The following LIMCH1 variants were observed in gnomAD, a reference collection of about 807,000 sequenced individuals.
The protein encoded by LIMCH1 is LIM and calponin homology domains 1, also known as LIM and calponin homology domains-containing protein 1.
LIMCH1 carries 113 observed loss-of-function variants against 176.5 expected under a neutral mutation model. The observed-to-expected ratio is 0.64, with a 90% confidence interval of 0.55 to 0.75. LIMCH1 has a LOEUF of 0.75. LIMCH1 is among the 30% of genes least tolerant of loss of function. The pLI is 0.00. For synonymous variants in LIMCH1, 619 were observed against 645.9 expected, an observed-to-expected ratio of 0.96 and a Z score of 0.63; for missense variants, 1,674 against 1,814.9, an observed-to-expected ratio of 0.92 and a Z score of 1.41.
chr4:41,569,550 C>T (rs1247958826), intron 1 of LIMCH1, among the ~76,000 whole-genome samples: 1 of 152,090 alleles, frequency 6.6e-6, no homozygotes, highest in Non-Finnish European at 1.5e-5. Context: ...GGTCGGCCCT[C>T]AACAGTCAAT....
At chr4:41,582,044 C>T (rs146285294) in intron 1 of LIMCH1, among the ~76,000 whole-genome samples, 69 of 152,236 alleles carry the variant, frequency 4.5e-4, no homozygotes, top group African/African-American at 1.6e-3. Flanking sequence ...CATATTTTGG[C>T]TATTGCTAAT....
At chr4:41,636,925 T>A (rs1328070007) in intron 13 of LIMCH1, among the ~76,000 whole-genome samples, 1 of 152,246 alleles carries the variant, frequency 6.6e-6, no homozygotes, top group Non-Finnish European at 1.5e-5. Flanking sequence ...GAAGTATATG[T>A]GTGGTATGTG....
At chr4:41,671,438 A>T (rs1413167861) in intron 21 of LIMCH1, 116 bp from the exon 22 acceptor site, 1 of 692,852 alleles carries the variant, frequency 1.4e-6, no homozygotes, top group East Asian at 2.9e-5. Flanking sequence ...ACACACACAC[A>T]CAAAATTGGT....
At position 41,538,329 on chromosome 4, in the gene LIMCH1, C is replaced by CG. The variant is rs1288839523; in HGVS notation, c.-260dup. 1.0e-6 allele frequency: 1 copy of CG among 985,096 alleles called. No individual in the cohort carries two copies. Among genetic ancestry groups the CG allele is most frequent in the Non-Finnish European group, 1.2e-6 (1 of 829,902 alleles). The allele number at this position is 985,096 out of a possible 1,614,324, so 61.0% of individuals were successfully genotyped here. A position where few individuals can be genotyped will look rare whatever the true frequency, so the allele number is the denominator to read the frequency against. ...AGAGTGGGTTGGCTGGAGTTCATTG[C>CG]GGAGCATGAGGACGTGTGGGGGTAA... On this transcript the variant is annotated 5_prime_UTR_variant, in exon 1 of 32. It introduces an in-frame stop codon into an upstream open reading frame of the 5' UTR. Coordinates refer to ENST00000503057, the MANE Select transcript of LIMCH1 (RefSeq NM_001330672.2).
upstream of LIMCH1, among the ~76,000 whole-genome samples, chr4:41,536,197 G>A (rs1177654023): frequency 1.3e-5 from 2 of 152,140 alleles, no homozygotes; most frequent in East Asian, 1.9e-4. Flanking sequence ...TAGGGATTTG[G>A]TTGTTTGACA....
At chr4:41,568,909 CTT>C (rs1318771265) in intron 1 of LIMCH1, among the ~76,000 whole-genome samples, 1 of 151,728 alleles carries the variant, frequency 6.6e-6, no homozygotes, top group Non-Finnish European at 1.5e-5. Flanking sequence ...CTTTTTTTCT[CTT>C]TGTGTTTTTA....
chr4:41,694,076 C>G (rs1163457202), intron 31 of LIMCH1, among the ~76,000 whole-genome samples: 1 of 152,098 alleles, frequency 6.6e-6, no homozygotes, highest in Non-Finnish European at 1.5e-5. Flanking sequence ...CTTTTAATTT[C>G]AAAACCATGG....
At chr4:41,483,800 G>T (rs568849695) in intron 1 of LIMCH1, among the ~76,000 whole-genome samples, 2 of 152,144 alleles carry the variant, frequency 1.3e-5, no homozygotes, top group Non-Finnish European at 2.9e-5. Context: ...AATGTCAGCC[G>T]CTCAAGGGCC....
chr4:41,587,366 C>T (rs978968161), intron 1 of LIMCH1, among the ~76,000 whole-genome samples: 1 of 152,140 alleles, frequency 6.6e-6, no homozygotes, highest in African/African-American at 2.4e-5. Context: ...GGGAACTTGA[C>T]CCTAGACAGG....
At chr4:41,686,900 TA>T (rs889871492) in intron 28 of LIMCH1, among the ~76,000 whole-genome samples, 3 of 152,350 alleles carry the variant, frequency 2.0e-5, no homozygotes, top group Non-Finnish European at 4.4e-5. Flanking sequence ...CAATAGAAGC[TA>T]AAATTGGCTA....
At chr4:41,610,658 A>G (rs1234756069) in intron 4 of LIMCH1, among the ~76,000 whole-genome samples, 1 of 152,212 alleles carries the variant, frequency 6.6e-6, no homozygotes, top group Non-Finnish European at 1.5e-5. Flanking sequence ...AGGCGTTATT[A>G]TTAGTCCCAT....
intron 4 of LIMCH1, among the ~76,000 whole-genome samples, chr4:41,607,089 G>A (rs751899137): frequency 5.9e-5 from 9 of 152,146 alleles, no homozygotes; most frequent in Non-Finnish European, 1.3e-4. Flanking sequence ...GTGAGCCACC[G>A]CACCCGGCCC....
chr4:41,387,542 C>T (rs1348100139), intron 1 of LIMCH1, among the ~76,000 whole-genome samples: 3 of 152,212 alleles, frequency 2.0e-5, no homozygotes, highest in Non-Finnish European at 4.4e-5. Flanking sequence ...GCCAGCCAGG[C>T]AGAACAATGA....
chr4:41,422,576 A>G (rs1426483061), intron 1 of LIMCH1, among the ~76,000 whole-genome samples: 1 of 152,168 alleles, frequency 6.6e-6, no homozygotes, highest in Non-Finnish European at 1.5e-5. Flanking sequence ...TCAATTTAGT[A>G]AAAATGTAGA....
intron 22 of LIMCH1, among the ~76,000 whole-genome samples, chr4:41,673,549 G>C (rs527941238): frequency 6.6e-6 from 1 of 152,296 alleles, no homozygotes; most frequent in East Asian, 1.9e-4. Context: ...GCTTCAAGAG[G>C]AGATAAGCAT....
chr4:41,576,788 C>T (rs749401992), intron 1 of LIMCH1, among the ~76,000 whole-genome samples: 2 of 151,866 alleles, frequency 1.3e-5, no homozygotes, highest in Non-Finnish European at 2.9e-5. Context: ...TGATGGCATT[C>T]TTTATCTTAT....
At chr4:41,363,510 G>C (rs1009994428) in intron 1 of LIMCH1, among the ~76,000 whole-genome samples, 1 of 152,056 alleles carries the variant, frequency 6.6e-6, no homozygotes, top group Non-Finnish European at 1.5e-5. Context: ...AACAAACTTT[G>C]CTGCTTGTCT....
At chr4:41,565,431 A>T (rs2082638213) in intron 1 of LIMCH1, among the ~76,000 whole-genome samples, 1 of 150,406 alleles carries the variant, frequency 6.6e-6, no homozygotes, top group Non-Finnish European at 1.5e-5. Flanking sequence ...ATGATAAATT[A>T]AATAAATATA....
intron 1 of LIMCH1, among the ~76,000 whole-genome samples, chr4:41,419,416 C>T (rs1368586635): frequency 2.0e-5 from 3 of 151,958 alleles, no homozygotes; most frequent in Admixed American, 6.6e-5. Flanking sequence ...GTTTGTGATC[C>T]GCCCACCTCG....
Sources: allele counts gnomAD v4.1 joint callset (sites outside exome capture counted in the v4.1 genomes callset), GRCh38; gene constraint gnomAD v4.1.1; transcripts MANE v1.5; gene names NCBI Gene and HGNC (gene_info 2026-07-23, HGNC 2026-07-21).